Variants in RYR2 observed in about 807,000 individuals in gnomAD.
The protein encoded by RYR2 is cardiac muscle ryanodine receptor-calcium release channel.
RYR2 carries 227 observed loss-of-function variants against 601.1 expected under a neutral mutation model. The ratio of observed to expected loss-of-function variants is 0.38; its 90% CI spans 0.34 to 0.42. The LOEUF (loss-of-function observed/expected upper bound fraction) is 0.42. Among genes scored for constraint, RYR2 ranks in the 10% least tolerant of loss-of-function variants. The pLI is 1.00. For missense variants in RYR2, 4,646 were observed against 6,156.5 expected (o/e 0.75, Z 8.21); for synonymous variants, 2,223 against 2,175.1 (o/e 1.02, Z -0.61).
chr1:237,403,703 G>A (rs1345585041), intron 10 of RYR2, among the ~76,000 whole-genome samples: 1 of 152,172 alleles, frequency 6.6e-6, no homozygotes, highest in African/African-American at 2.4e-5. Context: ...TGGGATTGCA[G>A]GCATGAGCTA....
chr1:237,286,136 A>T (rs997297330), intron 2 of RYR2, among the ~76,000 whole-genome samples: 3 of 151,782 alleles, frequency 2.0e-5, no homozygotes, highest in Middle Eastern at 3.4e-3. Context: ...CTCTTTCAAT[A>T]TTTTTGATAT....
intron 1 of RYR2, among the ~76,000 whole-genome samples, chr1:237,135,338 C>G (rs1402698421): frequency 6.6e-6 from 1 of 150,490 alleles, no homozygotes; most frequent in African/African-American, 2.4e-5. Flanking sequence ...TAAAATCACA[C>G]TGTCCAGCAT....
chr1:237,577,323 T>C (rs1168212527), intron 29 of RYR2, among the ~76,000 whole-genome samples: 1 of 152,208 alleles, frequency 6.6e-6, no homozygotes, highest in Admixed American at 6.5e-5. Context: ...TCCAAAGATG[T>C]TGATTGATGG....
intron 2 of RYR2, among the ~76,000 whole-genome samples, chr1:237,298,965 G>T (rs989721440): frequency 6.6e-6 from 1 of 152,096 alleles, no homozygotes; most frequent in African/African-American, 2.4e-5. Flanking sequence ...CTGTGCTCCA[G>T]CCTGGGCGAC....
intron 25 of RYR2, among the ~76,000 whole-genome samples, chr1:237,531,102 A>G (rs1252930482): frequency 6.6e-6 from 1 of 152,216 alleles, no homozygotes; most frequent in Non-Finnish European, 1.5e-5. Flanking sequence ...AGAGGTATCC[A>G]TATTTCTAAA....
chr1:237,081,274 G>A lies in RYR2; in HGVS notation c.48+38705G>A, dbSNP rs1287105119. 7.6e-5 allele frequency among the ~76,000 whole-genome samples: 5 copies of A among 65,944 alleles called. No homozygotes were observed. The South Asian group carries it at 3.1e-3, about 40-fold the overall frequency. The allele number at this position is 65,944 out of a possible 152,430, so 43.3% of individuals were successfully genotyped here. ...GTGCACATGTACCCTAAAACTTAGA[G>A]TATAATAAAAAAAAAAAAAAAAAAA... On this transcript the variant is annotated intron_variant, in intron 1 of 104. Coordinates refer to ENST00000366574, the MANE Select transcript of RYR2 (RefSeq NM_001035.3).
chr1:237,192,525 T>C (rs1680090315), intron 1 of RYR2, among the ~76,000 whole-genome samples: 1 of 152,202 alleles, frequency 6.6e-6, no homozygotes. Flanking sequence ...AACAAAACCA[T>C]TTTAGATAGC....
chr1:237,230,714 T>C (rs1046920694), intron 1 of RYR2, among the ~76,000 whole-genome samples: 4 of 151,634 alleles, frequency 2.6e-5, no homozygotes, highest in Non-Finnish European at 4.4e-5. Context: ...AGGTCAGGAG[T>C]TCAAGACCAG....
At chr1:237,105,252 C>T (rs1668534779) in intron 1 of RYR2, among the ~76,000 whole-genome samples, 1 of 152,180 alleles carries the variant, frequency 6.6e-6, no homozygotes, top group Non-Finnish European at 1.5e-5. Context: ...ACTCAGCCCT[C>T]ATGGGGCTGA....
chr1:237,822,842 A>G lies in RYR2; in HGVS notation c.14590+3650A>G, dbSNP rs142246536. On this transcript the variant is annotated intron_variant, in intron 101 of 104. Coordinates refer to ENST00000366574, the MANE Select transcript of RYR2 (RefSeq NM_001035.3). ...ATAAAGGGACTGAGGAATATTTACC[A>G]AGCAAATGGAAAACAAAACAAAACA... Among the ~76,000 whole-genome samples, 619 of 152,338 alleles carry G rather than the reference A, an allele frequency of 4.1e-3. 3 individuals carry two copies. Among genetic ancestry groups the G allele is most frequent in the African/African-American group, 0.014 (592 of 41,574 alleles).
intron 79 of RYR2, among the ~76,000 whole-genome samples, chr1:237,736,800 C>T (rs1376225444): frequency 1.3e-5 from 2 of 152,204 alleles, no homozygotes; most frequent in African/African-American, 4.8e-5. Flanking sequence ...GAATTTGTAG[C>T]AGTAATGCTC....
Position 237,610,644 on chromosome 1 carries a change from T to C in RYR2, c.4684-118T>C. The C allele has an allele frequency of 7.4e-6, 6 of 805,602 alleles. No homozygotes were observed. Among genetic ancestry groups the C allele is most frequent in the Non-Finnish European group, 1.2e-5 (6 of 515,990 alleles). The allele number at this position is 805,602 out of a possible 1,614,324, so 49.9% of individuals were successfully genotyped here. A position where few individuals can be genotyped will look rare whatever the true frequency, so the allele number is the denominator to read the frequency against. On this transcript the variant is annotated intron_variant, in intron 35 of 104. Transcript: ENST00000366574. The surrounding 1 kb of genome is among the most constrained non-coding windows in gnomAD (Gnocchi z 4.9). ...TATGATTTCTTGTGTTGACTTTGCT[T>C]GACTCATAGGGTTATCTTACTTTCC...
rs200420897 is a variant in RYR2 at position 237,657,959 on chromosome 1, G to T, written c.8145G>T (p.Glu2715Asp). Residue 2715 changes from glutamate (E) to aspartate (D), a missense_variant, in exon 54 of 105, where the codon GAG becomes GAT. Glu to Asp is a conservative substitution (Grantham distance 45, BLOSUM62 2). Transcript: ENST00000366574. Reference sequence around the variant, plus strand: ...TTTCTCATAGTATTACAATTCCTGAGAAATTGGAATACTTCATTAACAAAT... The same window carrying T: ...TTTCTCATAGTATTACAATTCCTGATAAATTGGAATACTTCATTAACAAAT... The part of the protein sequence containing the change: ...PVDTSNITIP[E>D]KLEYFINKYA... 217 of 1,512,072 alleles carry T rather than the reference G, an allele frequency of 1.4e-4. No homozygotes were observed. The highest frequency in any genetic ancestry group is 1.7e-4 in the Non-Finnish European group (195 of 1,126,206). 93.7% of individuals were successfully genotyped at this position (1,512,072 alleles called of 1,614,324 possible). A position where few individuals can be genotyped will look rare whatever the true frequency, so the allele number is the denominator to read the frequency against.
At chr1:237,214,039 G>T (rs1228092259) in intron 1 of RYR2, among the ~76,000 whole-genome samples, 2 of 146,058 alleles carry the variant, frequency 1.4e-5, no homozygotes, top group Non-Finnish European at 3.0e-5. Context: ...TCGTGCCTCA[G>T]TCTCCCAGGT....
intron 79 of RYR2, among the ~76,000 whole-genome samples, chr1:237,734,684 G>A (rs1037677373): frequency 1.3e-5 from 2 of 152,196 alleles, no homozygotes; most frequent in African/African-American, 2.4e-5. Context: ...TGAAGGTTTT[G>A]CTAAGGCTTC....
At chr1:237,479,863 C>T (rs1661835833) in intron 17 of RYR2, among the ~76,000 whole-genome samples, 1 of 152,150 alleles carries the variant, frequency 6.6e-6, no homozygotes, top group Non-Finnish European at 1.5e-5. Flanking sequence ...ATTACAATTT[C>T]CATTTACAAA....
intron 17 of RYR2, among the ~76,000 whole-genome samples, chr1:237,473,982 T>C (rs555669569): frequency 6.6e-6 from 1 of 152,014 alleles, no homozygotes; most frequent in African/African-American, 2.4e-5. Flanking sequence ...CTCCTGTCAT[T>C]TCTGTTGCCA....
intron 3 of RYR2, among the ~76,000 whole-genome samples, chr1:237,341,328 T>C (rs775220639): frequency 8.5e-5 from 13 of 152,204 alleles, no homozygotes; most frequent in Admixed American, 1.3e-4. Flanking sequence ...GTGGAACCTA[T>C]TGAGTCAGCC....
intron 76 of RYR2, among the ~76,000 whole-genome samples, chr1:237,729,259 T>C (rs1690475979): frequency 6.6e-6 from 1 of 152,172 alleles, no homozygotes; most frequent in South Asian, 2.1e-4. Flanking sequence ...CTTAAACTCA[T>C]TTAAAAAGTA....
Sources: allele counts gnomAD v4.1 joint callset (sites outside exome capture counted in the v4.1 genomes callset), GRCh38; gene constraint gnomAD v4.1.1; non-coding constraint Gnocchi (gnomAD v3.1); transcripts MANE v1.5; gene names NCBI Gene and HGNC (gene_info 2026-07-23, HGNC 2026-07-21).